Variants in CPQ observed in about 807,000 individuals in gnomAD.
CPQ encodes carboxypeptidase Q.
Under a neutral mutation model 45.7 loss-of-function variants are expected in CPQ, and 37 were observed. The ratio of observed to expected loss-of-function variants is 0.81; its 90% CI spans 0.62 to 1.07. The LOEUF (loss-of-function observed/expected upper bound fraction) is 1.07. Ranked by LOEUF, CPQ falls within the 50% of genes least tolerant of loss-of-function variation. The pLI is 0.00. For synonymous variants in CPQ, 186 were observed against 205.8 expected (o/e 0.90, Z 0.82); for missense variants, 537 against 572.9 (o/e 0.94, Z 0.64).
intron 1 of CPQ, among the ~76,000 whole-genome samples, chr8:96,775,738 C>T (rs1261448686): frequency 6.6e-6 from 1 of 152,176 alleles, no homozygotes; most frequent in Admixed American, 6.6e-5. Flanking sequence ...TAGGAGAGTT[C>T]TTAGTACACA....
At chr8:96,737,438 A>C (rs1052149186) in intron 1 of CPQ, among the ~76,000 whole-genome samples, 1 of 150,644 alleles carries the variant, frequency 6.6e-6, no homozygotes, top group Admixed American at 6.7e-5. Context: ...GGGAGGAGAA[A>C]GGAGACCCTG....
chr8:96,842,737 C>T (rs777814290), intron 3 of CPQ, among the ~76,000 whole-genome samples: 15 of 152,220 alleles, frequency 9.9e-5, no homozygotes, highest in South Asian at 6.2e-4. Context: ...TGGATAGAGC[C>T]AGGCAATGTA....
chr8:96,747,597 T>C (rs1187064049), intron 1 of CPQ, among the ~76,000 whole-genome samples: 1 of 152,202 alleles, frequency 6.6e-6, no homozygotes, highest in African/African-American at 2.4e-5. Context: ...AGTGTAAAGA[T>C]TATTGGGCAC....
chr8:96,712,580 G>T (rs1047283430), intron 1 of CPQ, among the ~76,000 whole-genome samples: 2 of 152,206 alleles, frequency 1.3e-5, no homozygotes, highest in Non-Finnish European at 2.9e-5. Context: ...AGGGCTTTGT[G>T]CTTGCACTCT....
At chr8:96,729,508 T>C (rs1235774529) in intron 1 of CPQ, among the ~76,000 whole-genome samples, 9 of 152,216 alleles carry the variant, frequency 5.9e-5, no homozygotes, top group Admixed American at 1.3e-4. Flanking sequence ...TATTTAAAAA[T>C]TATTTTTCCC....
At chr8:96,679,086 G>A (rs1407566537) in intron 1 of CPQ, among the ~76,000 whole-genome samples, 2 of 152,016 alleles carry the variant, frequency 1.3e-5, no homozygotes, top group Non-Finnish European at 2.9e-5. Flanking sequence ...TTTTGTATAT[G>A]TAGTAGGGGT....
chr8:96,832,636 A>G (rs1811474628), intron 2 of CPQ, among the ~76,000 whole-genome samples: 1 of 152,172 alleles, frequency 6.6e-6, no homozygotes, highest in African/African-American at 2.4e-5. Flanking sequence ...CTGATGTTAC[A>G]GGAGACAAGA....
At chr8:97,006,355 C>T (rs894052593) in intron 5 of CPQ, among the ~76,000 whole-genome samples, 3 of 151,770 alleles carry the variant, frequency 2.0e-5, no homozygotes, top group African/African-American at 7.3e-5. Flanking sequence ...CAAACCCGAC[C>T]CAAAAAAGGG....
chr8:96,986,947 C>A (rs1808996924), intron 5 of CPQ, among the ~76,000 whole-genome samples: 2 of 151,834 alleles, frequency 1.3e-5, no homozygotes, highest in South Asian at 2.1e-4. Flanking sequence ...ATACAGAGAC[C>A]AAAATGGGGA....
At chr8:96,782,542 G>A (rs1810702081) in intron 1 of CPQ, among the ~76,000 whole-genome samples, 1 of 152,106 alleles carries the variant, frequency 6.6e-6, no homozygotes, top group South Asian at 2.1e-4. Context: ...TTTTCTTATT[G>A]TCTTGATGAA....
chr8:96,664,902 A>G (rs560925414), intron 1 of CPQ, among the ~76,000 whole-genome samples: 1 of 152,336 alleles, frequency 6.6e-6, no homozygotes, highest in Non-Finnish European at 1.5e-5. Context: ...AACATAATTC[A>G]CTTGGGCAGC....
chr8:97,104,232 C>T (rs1811363627), intron 7 of CPQ, among the ~76,000 whole-genome samples: 1 of 152,086 alleles, frequency 6.6e-6, no homozygotes, highest in Non-Finnish European at 1.5e-5. Flanking sequence ...CATTTTTGTG[C>T]CCAGTCGTTT....
chr8:96,988,739 G>A (rs1809034986), intron 5 of CPQ, among the ~76,000 whole-genome samples: 1 of 152,188 alleles, frequency 6.6e-6, no homozygotes, highest in Non-Finnish European at 1.5e-5. Context: ...TGCTAAGGGG[G>A]AAGGAGGTAA....
At chr8:97,116,948 A>G (rs1586548997) in intron 7 of CPQ, among the ~76,000 whole-genome samples, 3 of 152,304 alleles carry the variant, frequency 2.0e-5, no homozygotes, top group Admixed American at 1.3e-4. Context: ...GATGATAACC[A>G]GTAGTTTGTG....
At chr8:97,014,649 A>G in intron 5 of CPQ, among the ~76,000 whole-genome samples, 1 of 152,004 alleles carries the variant, frequency 6.6e-6, no homozygotes, top group East Asian at 1.9e-4. Context: ...CTCAAAAAAA[A>G]AAAAAAAAAA....
intron 4 of CPQ, among the ~76,000 whole-genome samples, chr8:96,896,044 A>G (rs575948748): frequency 6.6e-6 from 1 of 152,132 alleles, no homozygotes; most frequent in African/African-American, 2.4e-5. Context: ...TTTCATAATA[A>G]GACTCTAAGA....
chr8:96,649,845 A>G (rs1173858048), intron 1 of CPQ, among the ~76,000 whole-genome samples: 1 of 152,240 alleles, frequency 6.6e-6, no homozygotes, highest in Non-Finnish European at 1.5e-5. Flanking sequence ...AAGTTATTAG[A>G]GAACTCTGAT....
At chr8:97,030,614 T>C (rs1339265566) in intron 6 of CPQ, among the ~76,000 whole-genome samples, 3 of 152,188 alleles carry the variant, frequency 2.0e-5, no homozygotes, top group Non-Finnish European at 4.4e-5. Flanking sequence ...TGTGTTGTGG[T>C]AGACCACAAC....
At chr8:96,831,442 G>T (rs1296102306) in intron 2 of CPQ, among the ~76,000 whole-genome samples, 1 of 152,112 alleles carries the variant, frequency 6.6e-6, no homozygotes, top group African/African-American at 2.4e-5. Context: ...CAGGTTTTGT[G>T]TTCTTAGAGG....
Sources: gnomAD v4.1 joint callset for allele counts (sites outside exome capture counted in the v4.1 genomes callset) on GRCh38, gnomAD v4.1.1 for gene constraint, MANE v1.5 for transcripts, NCBI Gene and HGNC (gene_info 2026-07-23, HGNC 2026-07-21) for gene names.